CBFA2T2: variants seen among roughly 807,000 people sequenced by gnomAD.
CBFA2T2 encodes protein CBFA2T2.
CBFA2T2 carries 11 observed loss-of-function variants against 62.2 expected under a neutral mutation model. The observed-to-expected ratio is 0.18, with a 90% confidence interval of 0.11 to 0.29. CBFA2T2 has a LOEUF of 0.29. Among genes scored for constraint, CBFA2T2 ranks in the 10% least tolerant of loss-of-function variants. The pLI, the probability that CBFA2T2 is intolerant of heterozygous loss-of-function variation, is 1.00. For synonymous variants in CBFA2T2, 295 were observed against 287.5 expected (o/e 1.03, Z -0.27); for missense variants, 592 against 774.1 (o/e 0.76, Z 2.79).
At chr20:33,585,383 AAAT>A (rs1176657107) in intron 1 of CBFA2T2, among the ~76,000 whole-genome samples, 1 of 152,226 alleles carries the variant, frequency 6.6e-6, no homozygotes, top group African/African-American at 2.4e-5. Flanking sequence ...ATTTTTTAAT[AAAT>A]AATTGTAATC....
At chr20:33,577,881 TAATA>T (rs1458408818) in intron 1 of CBFA2T2, among the ~76,000 whole-genome samples, 1 of 152,222 alleles carries the variant, frequency 6.6e-6, no homozygotes, top group East Asian at 1.9e-4. Flanking sequence ...TCTTTGCGTG[TAATA>T]AATATTTTGT....
rs115460478 is a variant in CBFA2T2 at position 33,585,938 on chromosome 20, G to C, written c.35-21018G>C. Among the ~76,000 whole-genome samples, 559 of 152,268 alleles carry C rather than the reference G, an allele frequency of 3.7e-3. 4 individuals carry two copies. Among genetic ancestry groups the C allele is most frequent in the African/African-American group, 0.013 (536 of 41,566 alleles). ...ATTAAAACCTTAGCCGTGGTAAATTGAAAGTTAACTTTTGAAGCAAAGCTT... is the reference window on the plus strand; with the variant it reads ...ATTAAAACCTTAGCCGTGGTAAATTCAAAGTTAACTTTTGAAGCAAAGCTT... On this transcript the variant is annotated intron_variant, in intron 1 of 10. Transcript: ENST00000342704.
At chr20:33,531,476 ACAGTT>A (rs970199365) in intron 1 of CBFA2T2, among the ~76,000 whole-genome samples, 2 of 152,202 alleles carry the variant, frequency 1.3e-5, no homozygotes, top group African/African-American at 4.8e-5. Context: ...ACTAGAAAAA[ACAGTT>A]CAGATCTGTT....
chr20:33,578,846 G>A (rs150752217), intron 1 of CBFA2T2, among the ~76,000 whole-genome samples: 1 of 152,000 alleles, frequency 6.6e-6, no homozygotes, highest in Admixed American at 6.6e-5. Flanking sequence ...AAATCTGAAG[G>A]ATGGCATAAA....
At chr20:33,558,242 C>T (rs1655945843) in intron 1 of CBFA2T2, among the ~76,000 whole-genome samples, 2 of 152,052 alleles carry the variant, frequency 1.3e-5, no homozygotes, top group Non-Finnish European at 2.9e-5. Flanking sequence ...AGCGATTCTC[C>T]TGCCTCGGCC....
intron 1 of CBFA2T2, among the ~76,000 whole-genome samples, chr20:33,536,552 G>T (rs1210953546): frequency 6.6e-6 from 1 of 151,126 alleles, no homozygotes; most frequent in African/African-American, 2.4e-5. Context: ...GTGGCTGCCG[G>T]GCGTAGGGGC....
At chr20:33,545,059 G>A (rs941831202) in intron 1 of CBFA2T2, among the ~76,000 whole-genome samples, 1 of 151,706 alleles carries the variant, frequency 6.6e-6, no homozygotes, top group East Asian at 1.9e-4. Context: ...CTCTCATGAA[G>A]CTTACAGTTT....
chr20:33,552,593 G>A (rs546902164), intron 1 of CBFA2T2, among the ~76,000 whole-genome samples: 6 of 152,206 alleles, frequency 3.9e-5, no homozygotes, highest in Non-Finnish European at 7.3e-5. Context: ...CTGTCAAGCC[G>A]TGTGGATGTG....
At chr20:33,501,923 A>T (rs2011291182) in intron 1 of CBFA2T2, among the ~76,000 whole-genome samples, 1 of 147,232 alleles carries the variant, frequency 6.8e-6, no homozygotes, top group East Asian at 2.0e-4. Context: ...TACAGGCATG[A>T]GCCACTGCGC....
intron 1 of CBFA2T2, among the ~76,000 whole-genome samples, chr20:33,593,812 T>C (rs1568840211): frequency 1.3e-5 from 2 of 152,204 alleles, no homozygotes; most frequent in Admixed American, 6.5e-5. Flanking sequence ...AAATGACCTC[T>C]TCTTGCTACG....
intron 1 of CBFA2T2, among the ~76,000 whole-genome samples, chr20:33,554,119 ATAT>A (rs2012819336): frequency 6.6e-6 from 1 of 152,078 alleles, no homozygotes; most frequent in Non-Finnish European, 1.5e-5. Flanking sequence ...ATACCATATA[ATAT>A]TATTTTGTTC....
intron 1 of CBFA2T2, among the ~76,000 whole-genome samples, chr20:33,526,926 G>A (rs1043728164): frequency 1.3e-5 from 2 of 152,076 alleles, no homozygotes; most frequent in African/African-American, 2.4e-5. Context: ...AAGCATACTC[G>A]GGTGCATTTG....
chr20:33,548,202 T>G (rs986872422), intron 1 of CBFA2T2, among the ~76,000 whole-genome samples: 1 of 152,110 alleles, frequency 6.6e-6, no homozygotes, highest in Non-Finnish European at 1.5e-5. Flanking sequence ...AGCATTCACC[T>G]GTAGGTTTCC....
intron 1 of CBFA2T2, among the ~76,000 whole-genome samples, chr20:33,509,824 T>C (rs1262855108): frequency 7.2e-6 from 1 of 138,762 alleles, no homozygotes; most frequent in Non-Finnish European, 1.5e-5. Context: ...GTAAAACTCT[T>C]TTTTTTTTTT....
intron 1 of CBFA2T2, among the ~76,000 whole-genome samples, chr20:33,549,747 T>C (rs1386437515): frequency 6.6e-6 from 1 of 152,200 alleles, no homozygotes; most frequent in Non-Finnish European, 1.5e-5. Context: ...ATAAAACTTA[T>C]TTAAAATGTT....
chr20:33,633,370 CA>C (rs200773570), intron 8 of CBFA2T2, among the ~76,000 whole-genome samples: 4 of 116,344 alleles, frequency 3.4e-5, no homozygotes, highest in African/African-American at 3.8e-5. Flanking sequence ...GACTCTGTCG[CA>C]AAAAAAAAAT....
At chr20:33,570,138 A>G (rs1181207498) in intron 1 of CBFA2T2, among the ~76,000 whole-genome samples, 1 of 152,148 alleles carries the variant, frequency 6.6e-6, no homozygotes, top group Non-Finnish European at 1.5e-5. Flanking sequence ...GAAACTAGCC[A>G]GGTGTGGTGG....
At chr20:33,515,817 A>C (rs937335024) in intron 1 of CBFA2T2, among the ~76,000 whole-genome samples, 1 of 151,588 alleles carries the variant, frequency 6.6e-6, no homozygotes, top group African/African-American at 2.4e-5. Flanking sequence ...AAAAAAAAAA[A>C]AAAACGGGGC....
chr20:33,503,921 A>G (rs2146849531), intron 1 of CBFA2T2, among the ~76,000 whole-genome samples: 1 of 151,212 alleles, frequency 6.6e-6, no homozygotes, highest in Middle Eastern at 3.4e-3. Flanking sequence ...TTAGTTTTGT[A>G]TTATTAGTAT....
Sources: allele counts gnomAD v4.1 joint callset (sites outside exome capture counted in the v4.1 genomes callset), GRCh38; gene constraint gnomAD v4.1.1; transcripts MANE v1.5; gene names NCBI Gene and HGNC (gene_info 2026-07-23, HGNC 2026-07-21).